The following CFDP1 variants were observed in gnomAD, a reference collection of about 807,000 sequenced individuals.
CFDP1 encodes the protein chromatin remodeling protein CFDP1.
In CFDP1, 31 loss-of-function variants were observed where a neutral mutation model predicts 40.1. The observed-to-expected ratio is 0.77, with a 90% CI of 0.58 to 1.04. The LOEUF (loss-of-function observed/expected upper bound fraction) is 1.04. Ranked by LOEUF, CFDP1 falls within the 50% of genes least tolerant of loss-of-function variation. The pLI, the probability that CFDP1 is intolerant of heterozygous loss-of-function variation, is 0.00. For synonymous variants in CFDP1, 167 were observed against 120.0 expected, an observed-to-expected ratio of 1.39 and a Z score of -2.56; for missense variants, 423 against 343.4, an observed-to-expected ratio of 1.23 and a Z score of -1.83.
At chr16:75,365,025 G>T (rs938791963) in intron 5 of CFDP1, among the ~76,000 whole-genome samples, 5 of 152,222 alleles carry the variant, frequency 3.3e-5, no homozygotes, top group Non-Finnish European at 2.9e-5. Flanking sequence ...ACTATAATGT[G>T]TTGTGGATTA....
chr16:75,310,386 A>T (rs574635117), intron 5 of CFDP1, among the ~76,000 whole-genome samples: 1 of 152,228 alleles, frequency 6.6e-6, no homozygotes, highest in Non-Finnish European at 1.5e-5. Context: ...ATAACACCAG[A>T]CACCAACCAA....
In CFDP1 at chr16:75,334,767, C is replaced by T. The variant is rs149948343; in HGVS notation, c.651-29585G>A. Among the ~76,000 whole-genome samples, 144 of 152,110 alleles carry T rather than the reference C, an allele frequency of 9.5e-4. 1 individual carries two copies. The highest frequency in any genetic ancestry group is 3.4e-3 in the African/African-American group (141 of 41,494). On this transcript the variant is annotated intron_variant, in intron 5 of 6. Coordinates refer to ENST00000283882, the MANE Select transcript of CFDP1 (RefSeq NM_006324.3). ...GTGAGGAGTTCAGGACCAACCTGGCCAACATGGCAAAACCCAGTCTCTACT... is the reference window on the plus strand; with the variant it reads ...GTGAGGAGTTCAGGACCAACCTGGCTAACATGGCAAAACCCAGTCTCTACT...
intron 5 of CFDP1, among the ~76,000 whole-genome samples, chr16:75,390,112 C>T (rs1014357948): frequency 1.3e-5 from 2 of 152,086 alleles, no homozygotes; most frequent in Non-Finnish European, 2.9e-5. Context: ...TTCACTTTAC[C>T]CTGTTTATAA....
At chr16:75,351,866 G>A (rs2078613939) in intron 5 of CFDP1, among the ~76,000 whole-genome samples, 1 of 151,042 alleles carries the variant, frequency 6.6e-6, no homozygotes, top group Non-Finnish European at 1.5e-5. Context: ...AAATTAGCCA[G>A]GTGTGGTGGC....
chr16:75,331,858 GTATATTTAAC>G (rs1484744916), intron 5 of CFDP1, among the ~76,000 whole-genome samples: 14 of 152,124 alleles, frequency 9.2e-5, no homozygotes, highest in Non-Finnish European at 2.1e-4. Context: ...TAGAGTGGGC[GTATATTTAAC>G]TTTAATGCCA....
chr16:75,413,768 TTATCTAAGTTAAA>T (rs2079182367), intron 2 of CFDP1, among the ~76,000 whole-genome samples: 1 of 152,198 alleles, frequency 6.6e-6, no homozygotes, highest in African/African-American at 2.4e-5. Flanking sequence ...GAAGATGCCC[TTATCTAAGTTAAA>T]TAACCTGTCA....
chr16:75,382,084 C>T (rs892129701), intron 5 of CFDP1, among the ~76,000 whole-genome samples: 1 of 149,878 alleles, frequency 6.7e-6, no homozygotes, highest in African/African-American at 2.5e-5. Context: ...CACTGCACTC[C>T]AGCCTGGGCA....
chr16:75,370,470 T>G (rs189013280), intron 5 of CFDP1, among the ~76,000 whole-genome samples: 215 of 152,320 alleles, frequency 1.4e-3, no homozygotes, highest in African/African-American at 4.8e-3. Flanking sequence ...GATGAGTTGA[T>G]GGGTGCAGCA....
chr16:75,299,369 T>C (rs1333232537), intron 6 of CFDP1, among the ~76,000 whole-genome samples: 1 of 151,354 alleles, frequency 6.6e-6, no homozygotes, highest in African/African-American at 2.4e-5. Context: ...GGGTGGATCA[T>C]GTGGTCAGGA....
At chr16:75,416,739 C>T (rs1156291626) in intron 1 of CFDP1, among the ~76,000 whole-genome samples, 2 of 152,068 alleles carry the variant, frequency 1.3e-5, no homozygotes, top group Non-Finnish European at 2.9e-5. Flanking sequence ...CAGAGCAAGA[C>T]CCTGTCTCAA....
intron 5 of CFDP1, among the ~76,000 whole-genome samples, chr16:75,389,509 T>C (rs1485696704): frequency 6.6e-6 from 1 of 152,220 alleles, no homozygotes; most frequent in Admixed American, 6.5e-5. Context: ...TCTGTTCTTA[T>C]TTCTGAATCT....
chr16:75,346,775 A>C (rs2078569418), intron 5 of CFDP1, among the ~76,000 whole-genome samples: 1 of 150,666 alleles, frequency 6.6e-6, no homozygotes, highest in African/African-American at 2.4e-5. Flanking sequence ...TGCCATCCAA[A>C]CTCTGGAAAT....
At chr16:75,360,350 G>A (rs1022234486) in intron 5 of CFDP1, among the ~76,000 whole-genome samples, 1 of 152,344 alleles carries the variant, frequency 6.6e-6, no homozygotes. Flanking sequence ...CAGAGTTAGT[G>A]TCAAAAGGAC....
Position 75,321,567 on chromosome 16 carries a change from G to A in CFDP1, c.651-16385C>T, listed in dbSNP as rs191188740. Among the ~76,000 whole-genome samples the A allele has an allele frequency of 6.5e-3, 987 of 151,996 alleles. 8 individuals are homozygous for A. The highest frequency in any genetic ancestry group is 0.017 in the Middle Eastern group (5 of 294). On this transcript the variant is annotated intron_variant, in intron 5 of 6. Coordinates refer to ENST00000283882, the MANE Select transcript of CFDP1 (RefSeq NM_006324.3). ...TTCTGTTATTGTTTTGTTTTGTTTT[G>A]GGCTTTTACCAGCCTGAAGCCATGT...
At chr16:75,400,413 T>C (rs1217397497) in intron 4 of CFDP1, among the ~76,000 whole-genome samples, 2 of 152,222 alleles carry the variant, frequency 1.3e-5, no homozygotes, top group African/African-American at 4.8e-5. Context: ...CAAGCCAATG[T>C]GTACTAAAGT....
At position 75,412,718 on chromosome 16, in the gene CFDP1, CTCT is replaced by C. The variant is rs760712040; in HGVS notation, c.216_218del (p.Glu76del). On this transcript the variant is annotated inframe_deletion, in exon 3 of 7. Transcript: ENST00000283882. ...ATTCTGAATTGGCATCCTCCTCTTC[CTCT>C]TCTTCTAATGAGAGGCCACCTTGTC... 3.2e-5 allele frequency: 51 copies of C among 1,613,842 alleles called. No individual in the cohort carries two copies. The highest frequency in any genetic ancestry group is 7.6e-6 in the Non-Finnish European group (9 of 1,180,026).
At chr16:75,401,672 GA>G (rs2079055848) in intron 4 of CFDP1, among the ~76,000 whole-genome samples, 1 of 152,112 alleles carries the variant, frequency 6.6e-6, no homozygotes, top group Non-Finnish European at 1.5e-5. Context: ...TAGAGAAGAT[GA>G]AATCAAATGG....
At chr16:75,308,866 T>G (rs2078275341) in intron 5 of CFDP1, among the ~76,000 whole-genome samples, 1 of 152,134 alleles carries the variant, frequency 6.6e-6, no homozygotes, top group African/African-American at 2.4e-5. Context: ...GCAGTGAGGT[T>G]TCCAGAAAAG....
chr16:75,369,960 G>C (rs1473703609), intron 5 of CFDP1, among the ~76,000 whole-genome samples: 1 of 152,062 alleles, frequency 6.6e-6, no homozygotes, highest in African/African-American at 2.4e-5. Context: ...TTTTAGTAGA[G>C]ACAGGGTTTC....
Sources: allele counts gnomAD v4.1 joint callset (sites outside exome capture counted in the v4.1 genomes callset), GRCh38; gene constraint gnomAD v4.1.1; transcripts MANE v1.5; gene names NCBI Gene and HGNC (gene_info 2026-07-23, HGNC 2026-07-21).